The following DCAF7 variants were observed in gnomAD, a reference collection of about 807,000 sequenced individuals.
DCAF7 encodes the protein DDB1- and CUL4-associated factor 7.
DCAF7 carries 4 observed loss-of-function variants against 41.2 expected under a neutral mutation model. The observed-to-expected ratio is 0.10, with a 90% CI of 0.05 to 0.22. The LOEUF is 0.22. Ranked by LOEUF, DCAF7 falls within the 10% of genes least tolerant of loss-of-function variation. The pLI, the probability that DCAF7 is intolerant of heterozygous loss-of-function variation, is 1.00. For synonymous variants in DCAF7, 143 were observed against 164.2 expected, an observed-to-expected ratio of 0.87 and a Z score of 0.99; for missense variants, 131 against 443.2, an observed-to-expected ratio of 0.30 and a Z score of 6.32.
rs192693588 is a variant in DCAF7 at position 63,582,716 on chromosome 17, G to T, written c.529-786G>T. 2.8e-3 allele frequency among the ~76,000 whole-genome samples: 427 copies of T among 152,206 alleles called. 3 individuals are homozygous for T. Among genetic ancestry groups the T allele is most frequent in the African/African-American group, 9.4e-3 (391 of 41,530 alleles). ...GATCTCTTGACCTTGTGATCCGCCC[G>T]CCTCAGCCTCCCAAAGTGCTGGGAT... is the stretch of plus-strand genomic sequence containing the variant. On this transcript the variant is annotated intron_variant, in intron 4 of 6. Coordinates refer to ENST00000614556, the MANE Select transcript of DCAF7 (RefSeq NM_005828.5).
At chr17:63,578,158 G>T (rs1180120518) in intron 1 of DCAF7, among the ~76,000 whole-genome samples, 1 of 152,148 alleles carries the variant, frequency 6.6e-6, no homozygotes, top group East Asian at 1.9e-4. Flanking sequence ...GAGCCCAGGA[G>T]TTCAAGGCCA....
rs570563650 is a variant in DCAF7 at position 63,553,716 on chromosome 17, A to C, written c.138+2901A>C. Reference sequence around the variant, plus strand: ...GTGTGGAGACATTCACTAAGAAAACATGGTTGTAATTTTTAAAAATTTGCA... The same window carrying C: ...GTGTGGAGACATTCACTAAGAAAACCTGGTTGTAATTTTTAAAAATTTGCA... On this transcript the variant is annotated intron_variant, in intron 1 of 6. Coordinates refer to ENST00000614556, the MANE Select transcript of DCAF7 (RefSeq NM_005828.5). 6.6e-5 allele frequency among the ~76,000 whole-genome samples: 10 copies of C among 152,348 alleles called. No individual in the cohort carries two copies. The East Asian group carries it at 1.9e-3, about 29-fold the overall frequency.
chr17:63,577,216 A>C (rs185571144), intron 1 of DCAF7, among the ~76,000 whole-genome samples: 179 of 152,336 alleles, frequency 1.2e-3, no homozygotes, highest in Middle Eastern at 0.01. Flanking sequence ...ATACAACTGT[A>C]CATTTGCCAA....
At chr17:63,560,635 G>A (rs1273369353) in intron 1 of DCAF7, among the ~76,000 whole-genome samples, 1 of 152,178 alleles carries the variant, frequency 6.6e-6, no homozygotes, top group African/African-American at 2.4e-5. Context: ...CAGGGAAAGG[G>A]ACTGGGATGT....
At chr17:63,584,759 CA>C (rs942121023) in intron 5 of DCAF7, among the ~76,000 whole-genome samples, 1 of 149,824 alleles carries the variant, frequency 6.7e-6, no homozygotes, top group Non-Finnish European at 1.5e-5. Context: ...TGCTCTGTCT[CA>C]AAAAAAAAGA....
intron 6 of DCAF7, among the ~76,000 whole-genome samples, 200 bp from the exon 7 acceptor site, chr17:63,588,800 C>G (rs2033704677): frequency 6.6e-6 from 1 of 152,158 alleles, no homozygotes; most frequent in Admixed American, 6.5e-5. Context: ...CTGCCACTCA[C>G]TTGGCTGAAT....
At chr17:63,551,854 C>T (rs1388986908) in intron 1 of DCAF7, among the ~76,000 whole-genome samples, 1 of 128,126 alleles carries the variant, frequency 7.8e-6, no homozygotes, top group Non-Finnish European at 1.6e-5. Flanking sequence ...CGCGACCAGC[C>T]TGGGTAACAC....
At chr17:63,585,972 A>G (rs1398032007) in intron 6 of DCAF7, among the ~76,000 whole-genome samples, 1 of 151,800 alleles carries the variant, frequency 6.6e-6, no homozygotes, top group Non-Finnish European at 1.5e-5. Context: ...AAATACAAAA[A>G]AAATTAGCCA....
intron 1 of DCAF7, among the ~76,000 whole-genome samples, chr17:63,573,923 G>A (rs971658852): frequency 2.6e-5 from 4 of 151,830 alleles, no homozygotes; most frequent in Non-Finnish European, 4.4e-5. Context: ...AGTCTGTCCC[G>A]CCCAGCACTA....
At chr17:63,568,059 T>C (rs111671772) in intron 1 of DCAF7, among the ~76,000 whole-genome samples, 15,944 of 152,050 alleles carry the variant, frequency 0.1, 2,676 homozygotes, top group African/African-American at 0.36. Flanking sequence ...CTCGCTCTGT[T>C]GCCCAGGCTG....
At chr17:63,574,885 A>C (rs2033544688) in intron 1 of DCAF7, among the ~76,000 whole-genome samples, 1 of 152,096 alleles carries the variant, frequency 6.6e-6, no homozygotes, top group Non-Finnish European at 1.5e-5. Flanking sequence ...AGGTGGTAGG[A>C]TCAATTGAGC....
intron 6 of DCAF7, among the ~76,000 whole-genome samples, chr17:63,586,506 C>A (rs907773204): frequency 7.2e-5 from 11 of 152,052 alleles, no homozygotes; most frequent in Non-Finnish European, 1.3e-4. Flanking sequence ...TGGCTCACAT[C>A]TGTAATACCA....
At chr17:63,580,013 TG>T in intron 4 of DCAF7, 70 bp downstream of exon 4, 2 of 1,155,212 alleles carry the variant, frequency 1.7e-6, no homozygotes, top group Non-Finnish European at 1.3e-6. Context: ...GAGGTCAGCT[TG>T]TTCTCTCATT....
At chr17:63,553,982 T>C (rs1233048260) in intron 1 of DCAF7, among the ~76,000 whole-genome samples, 1 of 152,090 alleles carries the variant, frequency 6.6e-6, no homozygotes, top group Non-Finnish European at 1.5e-5. Flanking sequence ...GATGGGAGAA[T>C]CGCTTGAGCC....
At chr17:63,572,237 A>G (rs2033515457) in intron 1 of DCAF7, among the ~76,000 whole-genome samples, 1 of 152,218 alleles carries the variant, frequency 6.6e-6, no homozygotes, top group Admixed American at 6.5e-5. Flanking sequence ...CTCACTTTAC[A>G]GATTGGGAAA....
At chr17:63,578,677 C>T (rs1257490427) in intron 2 of DCAF7, 49 bp downstream of exon 2, 1 of 1,610,812 alleles carries the variant, frequency 6.2e-7, no homozygotes, top group Non-Finnish European at 8.5e-7. Flanking sequence ...TTCTCAGCCT[C>T]AGCTGTTAGC....
At chr17:63,578,321 A>G in intron 1 of DCAF7, 149 bp from the exon 2 acceptor site, 1 of 1,059,640 alleles carries the variant, frequency 9.4e-7, no homozygotes, top group Non-Finnish European at 1.4e-6. Flanking sequence ...CTGTGGTTGC[A>G]CCACTGCACT....
At chr17:63,555,627 T>C (rs890380986) in intron 1 of DCAF7, among the ~76,000 whole-genome samples, 3 of 152,176 alleles carry the variant, frequency 2.0e-5, no homozygotes, top group African/African-American at 7.2e-5. Context: ...ATCAGTACTT[T>C]TGATAGATAT....
intron 1 of DCAF7, among the ~76,000 whole-genome samples, chr17:63,573,691 T>C (rs2033531307): frequency 6.6e-6 from 1 of 151,404 alleles, no homozygotes. Context: ...GATTGCGCCA[T>C]TGCACTCCAG....
Sources: gnomAD v4.1 joint callset for allele counts (sites outside exome capture counted in the v4.1 genomes callset) on GRCh38, gnomAD v4.1.1 for gene constraint, MANE v1.5 for transcripts, NCBI Gene and HGNC (gene_info 2026-07-23, HGNC 2026-07-21) for gene names.